The following RALGAPB variants were observed in gnomAD, a reference collection of about 807,000 sequenced individuals.
RALGAPB encodes ral GTPase-activating protein subunit beta.
RALGAPB carries 25 observed loss-of-function variants against 161.1 expected under a neutral mutation model. The observed-to-expected ratio is 0.16, with a 90% CI of 0.11 to 0.22. The LOEUF (loss-of-function observed/expected upper bound fraction) is 0.22, where lower values mean the gene tolerates loss of function less well. RALGAPB is among the 10% of genes least tolerant of loss of function. The probability of loss-of-function intolerance (pLI) is 1.00; values close to 1 mark genes in which losing one functional copy is unlikely to be tolerated. For synonymous variants in RALGAPB, 629 were observed against 626.1 expected (o/e 1.00, Z -0.07); for missense variants, 1,391 against 1,815.2 (o/e 0.77, Z 4.25).
At chr20:38,521,446 G>A (rs1259730713) in intron 9 of RALGAPB, 51 bp from the exon 10 acceptor site, 1 of 1,608,324 alleles carries the variant, frequency 6.2e-7, no homozygotes, top group Non-Finnish European at 8.5e-7. Flanking sequence ...GGTCCCATGA[G>A]CCTACGTGGC....
intron 24 of RALGAPB, among the ~76,000 whole-genome samples, chr20:38,564,674 C>G (rs1419979585): frequency 6.6e-6 from 1 of 152,082 alleles, no homozygotes; most frequent in African/African-American, 2.4e-5. Flanking sequence ...TGGCTTAGAG[C>G]AGATACTATT....
In RALGAPB at chr20:38,497,489, A is replaced by G. The variant is rs1372351763; in HGVS notation, c.526A>G (p.Ile176Val). ...GTTGTTTCTTCTGCAGATTAACGAC[A>G]TACTTCTGGCCCCACCAACTGTTCA... Reference protein sequence around the residue: ...LLLFLLQINDILLAPPTVQGG... With the variant: ...LLLFLLQINDVLLAPPTVQGG... Residue 176 changes from isoleucine (I) to valine (V), a missense_variant, in exon 4 of 30, where the codon ATA becomes GTA. Coordinates refer to ENST00000262879, the MANE Select transcript of RALGAPB (RefSeq NM_020336.4). 1.9e-6 allele frequency: 3 copies of G among 1,613,762 alleles called. No individual in the cohort carries two copies. The highest frequency in any genetic ancestry group is 1.3e-5 in the African/African-American group (1 of 74,874).
At chr20:38,543,267 T>TA (rs1183065070) in intron 18 of RALGAPB, among the ~76,000 whole-genome samples, 3 of 152,238 alleles carry the variant, frequency 2.0e-5, no homozygotes, top group Non-Finnish European at 4.4e-5. Context: ...GTTTGCCAGT[T>TA]ATGCAAACAC....
Position 38,575,826 on chromosome 20 carries a change from A to G in RALGAPB, c.*859A>G, listed in dbSNP as rs991946656. 5.2e-5 allele frequency: 8 copies of G among 152,610 alleles called. No individual in the cohort carries two copies. Among genetic ancestry groups the G allele is most frequent in the African/African-American group, 1.7e-4 (7 of 41,456 alleles). 9.5% of individuals were successfully genotyped at this position (152,610 alleles called of 1,614,324 possible). A position where few individuals can be genotyped will look rare whatever the true frequency, so the allele number is the denominator to read the frequency against. On this transcript the variant is annotated 3_prime_UTR_variant, in exon 30 of 30. Coordinates refer to ENST00000262879, the MANE Select transcript of RALGAPB (RefSeq NM_020336.4). ...TTATTTAAAGAAATGTAAATTCACA[A>G]TAAGGGTTGAAAATTATTTGGTTTC...
intron 18 of RALGAPB, among the ~76,000 whole-genome samples, chr20:38,542,636 G>C (rs892437058): frequency 6.6e-6 from 1 of 152,144 alleles, no homozygotes; most frequent in Non-Finnish European, 1.5e-5. Flanking sequence ...GCTGCACTTT[G>C]GGAGGCCGAG....
rs1340322626 is a variant in RALGAPB, at chr20:38,517,816, C to G, written c.1233C>G (p.His411Gln). ...VSTAHASKVQ[H>Q]QTSSTSPLSS... ...CTGCTCATGCCTCTAAAGTTCAGCA[C>G]CAGACGTCCTCCACCTCTCCTCTGT... Residue 411 changes from histidine to glutamine, a missense_variant, in exon 9 of 30, where the codon CAC becomes CAG. By Grantham distance (24) the His-to-Gln change is conservative. This residue lies in a region of RALGAPB where 946 missense variants were observed against 1,257.2 expected (regional missense o/e 0.75). Coordinates refer to ENST00000262879, the MANE Select transcript of RALGAPB (RefSeq NM_020336.4). 6.2e-7 allele frequency: 1 copy of G among 1,613,832 alleles called. No homozygotes were observed. Among genetic ancestry groups the G allele is most frequent in the Non-Finnish European group, 8.5e-7 (1 of 1,179,750 alleles).
At chr20:38,475,569 C>T (rs1009800613) in intron 1 of RALGAPB, among the ~76,000 whole-genome samples, 2 of 150,872 alleles carry the variant, frequency 1.3e-5, no homozygotes, top group East Asian at 3.9e-4. Flanking sequence ...TTAAACATGA[C>T]AAAGTATGTA....
At chr20:38,563,336 T>C (rs1176138709) in intron 24 of RALGAPB, among the ~76,000 whole-genome samples, 1 of 152,138 alleles carries the variant, frequency 6.6e-6, no homozygotes, top group Non-Finnish European at 1.5e-5. Context: ...CAAGCATGTT[T>C]TGTCTAATAA....
At chr20:38,533,067 GTATAT>G (rs1053732574) in intron 15 of RALGAPB, among the ~76,000 whole-genome samples, 5 of 152,208 alleles carry the variant, frequency 3.3e-5, no homozygotes, top group Admixed American at 6.5e-5. Flanking sequence ...ATTTGGGGTA[GTATAT>G]TAGGTTTTAT....
intron 3 of RALGAPB, among the ~76,000 whole-genome samples, chr20:38,497,147 G>A (rs1219688668): frequency 6.6e-6 from 1 of 152,178 alleles, no homozygotes; most frequent in East Asian, 1.9e-4. Flanking sequence ...GTTCTCATAG[G>A]AGTGGTAGGT....
At chr20:38,521,448 C>G in intron 9 of RALGAPB, 49 bp from the exon 10 acceptor site, 1 of 1,609,414 alleles carries the variant, frequency 6.2e-7, no homozygotes. Flanking sequence ...TCCCATGAGC[C>G]TACGTGGCAT....
intron 22 of RALGAPB, among the ~76,000 whole-genome samples, chr20:38,555,742 C>T (rs1011675305): frequency 6.6e-6 from 1 of 152,152 alleles, no homozygotes; most frequent in Non-Finnish European, 1.5e-5. Flanking sequence ...GCTTTCTCAT[C>T]TGTATGAGAA....
At chr20:38,475,362 A>T (rs1342814553) in intron 1 of RALGAPB, among the ~76,000 whole-genome samples, 1 of 152,226 alleles carries the variant, frequency 6.6e-6, no homozygotes, top group African/African-American at 2.4e-5. Flanking sequence ...GCACATATTT[A>T]TTGCAGAATG....
At position 38,553,801 on chromosome 20, in the gene RALGAPB, A is replaced by AG; in HGVS notation, c.3163-66_3163-65insG. 4 of 861,966 alleles carry AG rather than the reference A, an allele frequency of 4.6e-6. No homozygotes were observed. In the South Asian group the frequency reaches 7.1e-5, roughly 15 times the overall value. 53.4% of individuals were successfully genotyped at this position (861,966 alleles called of 1,614,324 possible). On this transcript the variant is annotated intron_variant, in intron 21 of 29. Transcript: ENST00000262879. ...TCAAAAAAAAAAAAAAAAAAAAAAA[A>AG]CACTTAAGATTGGCCTTACTAGTTT...
At chr20:38,542,156 T>A (rs1301138551) in intron 18 of RALGAPB, among the ~76,000 whole-genome samples, 3 of 152,156 alleles carry the variant, frequency 2.0e-5, no homozygotes, top group Admixed American at 2.0e-4. Flanking sequence ...TGAAAGGATA[T>A]GTGCAGATGA....
At chr20:38,480,731 C>T (rs2084942588) in intron 1 of RALGAPB, among the ~76,000 whole-genome samples, 2 of 110,980 alleles carry the variant, frequency 1.8e-5, no homozygotes, top group African/African-American at 6.5e-5. Context: ...ACTCCCCCAC[C>T]CCCGCCCCCC....
intron 16 of RALGAPB, among the ~76,000 whole-genome samples, chr20:38,537,039 A>G (rs1275720516): frequency 6.6e-6 from 1 of 152,208 alleles, no homozygotes; most frequent in Non-Finnish European, 1.5e-5. Context: ...TTAGTCCTAA[A>G]TGGAGCACTG....
At chr20:38,527,769 C>T (rs563455266) in intron 13 of RALGAPB, among the ~76,000 whole-genome samples, 1 of 152,142 alleles carries the variant, frequency 6.6e-6, no homozygotes, top group Non-Finnish European at 1.5e-5. Context: ...ATAATTTCTA[C>T]GATTGAAGCA....
chr20:38,510,677 G>A (rs1282136751), intron 6 of RALGAPB, among the ~76,000 whole-genome samples: 1 of 144,176 alleles, frequency 6.9e-6, no homozygotes, highest in South Asian at 2.1e-4. Flanking sequence ...TTGGGAGGCC[G>A]AGGCGGGCGG....
Sources: gnomAD v4.1 joint callset for allele counts (sites outside exome capture counted in the v4.1 genomes callset) on GRCh38, gnomAD v4.1.1 for gene constraint, gnomAD v4.1.1 regional missense constraint, MANE v1.5 for transcripts, NCBI Gene and HGNC (gene_info 2026-07-23, HGNC 2026-07-21) for gene names.